The following SYNPO variants were observed in gnomAD, a reference collection of about 807,000 sequenced individuals.
SYNPO encodes the protein synaptopodin.
Under a neutral mutation model 49.5 loss-of-function variants are expected in SYNPO, and 19 were observed. The observed-to-expected ratio is 0.38, with a 90% CI of 0.27 to 0.56. The LOEUF (loss-of-function observed/expected upper bound fraction) is 0.56. Ranked by LOEUF, SYNPO falls within the 20% of genes least tolerant of loss-of-function variation. The pLI is 0.68. For synonymous variants in SYNPO, 536 were observed against 548.0 expected (o/e 0.98, Z 0.31); for missense variants, 1,131 against 1,248.3 (o/e 0.91, Z 1.42).
chr5:150,641,001 C>CG (rs879925279), intron 1 of SYNPO, 147 bp downstream of exon 1: 9 of 329,214 alleles, frequency 2.7e-5, no homozygotes, highest in Non-Finnish European at 3.9e-5. Context: ...AGTGGTGAGG[C>CG]GGGGGCTGGG....
Position 150,648,472 on chromosome 5 carries a change from C to T in SYNPO, c.197C>T (p.Ala66Val). Residue 66 changes from alanine to valine, a missense_variant, in exon 2 of 3, where the codon GCT becomes GTT. By Grantham distance (64) the Ala-to-Val change is moderately conservative. Transcript: ENST00000307662. This position sits in a 1 kb window ranked among gnomAD's most constrained non-coding sequence, Gnocchi z 5.0. ...APPPAEVHSP[A>V]ADVNQNLASP... Reference sequence around the variant, plus strand: ...CCTCCAGCTGAGGTCCACAGCCCAGCTGCAGATGTCAACCAAAACCTTGCC... The same window carrying T: ...CCTCCAGCTGAGGTCCACAGCCCAGTTGCAGATGTCAACCAAAACCTTGCC... The T allele has an allele frequency of 6.2e-7, 1 of 1,614,222 alleles. No individual in the cohort carries two copies.
At chr5:150,621,518 G>T (rs926882276) in intron 2 of SYNPO, among the ~76,000 whole-genome samples, 1 of 152,198 alleles carries the variant, frequency 6.6e-6, no homozygotes, top group African/African-American at 2.4e-5. Context: ...AGGGAAGAAG[G>T]CTGTGGGGCT....
Position 150,649,735 on chromosome 5 carries a change from G to A in SYNPO, c.1460G>A (p.Arg487His). 3 of 1,612,980 alleles carry A rather than the reference G, an allele frequency of 1.9e-6. No individual in the cohort carries two copies. Among genetic ancestry groups the A allele is most frequent in the East Asian group, 2.2e-5 (1 of 44,866 alleles). Residue 487 changes from arginine (R) to histidine (H), a missense_variant, in exon 2 of 3, where the codon CGC (arginine) becomes CAC (histidine). This residue lies in a region of SYNPO where 602 missense variants were observed against 720.7 expected (regional missense o/e 0.84). Transcript: ENST00000307662. ...AAGGGAGCTGAGCTCTACGCCCGCC[G>A]CCAGTCACGGATGGAGAAATATGTC... ...SGKGAELYAR[R>H]QSRMEKYVIE...
intron 1 of SYNPO, among the ~76,000 whole-genome samples, chr5:150,604,042 C>A (rs1288370393): frequency 4.6e-5 from 7 of 152,308 alleles, no homozygotes; most frequent in South Asian, 2.1e-4. Flanking sequence ...CTGTTTCAAA[C>A]CCTGGGGAAG....
chr5:150,631,501 G>A (rs1315516272), intron 2 of SYNPO, among the ~76,000 whole-genome samples: 1 of 152,190 alleles, frequency 6.6e-6, no homozygotes, highest in Non-Finnish European at 1.5e-5. Flanking sequence ...AGCATGGCTG[G>A]AGCCTGGCAG....
Position 150,602,557 on chromosome 5 carries a change from G to C in SYNPO, c.-266+1369G>C, listed in dbSNP as rs182220975. On this transcript the variant is annotated intron_variant, in intron 1 of 2. Coordinates refer to the SYNPO transcript ENST00000394243. ...GATCAGGAGAAGATCCTTGTGTTCT[G>C]TCCCTTTTGGCAATGGGCTGTCATT... Among the ~76,000 whole-genome samples, 5 of 152,280 alleles carry C rather than the reference G, an allele frequency of 3.3e-5. No homozygotes were observed. The East Asian group carries it at 9.6e-4, about 29-fold the overall frequency.
At chr5:150,640,065 G>A, upstream of SYNPO, 1 of 901,050 alleles carries the variant, frequency 1.1e-6, no homozygotes, top group South Asian at 5.1e-5. Context: ...TGGAGATGAG[G>A]ATAGTGCTGG....
intron 2 of SYNPO, among the ~76,000 whole-genome samples, chr5:150,622,932 C>T (rs925497296): frequency 6.6e-6 from 1 of 152,218 alleles, no homozygotes; most frequent in African/African-American, 2.4e-5. Context: ...TGTATAGATG[C>T]CATGTTCTCA....
At chr5:150,588,295 G>A in the SYNPO span, among the ~76,000 whole-genome samples, 6 of 152,074 alleles carry the variant, frequency 3.9e-5, no homozygotes, top group Non-Finnish European at 5.9e-5. Context: ...CCCGGGGGTC[G>A]GGGGAAGCTG....
exon 2 of SYNPO, chr5:150,618,230 G>A (rs560182819): frequency 3.5e-5 from 38 of 1,090,314 alleles, no homozygotes; most frequent in South Asian, 2.5e-4. Flanking sequence ...GTGAATCAGC[G>A]GAGGAAGGCA....
intron 2 of SYNPO, among the ~76,000 whole-genome samples, chr5:150,632,770 G>A (rs1247202687): frequency 2.0e-5 from 3 of 152,098 alleles, no homozygotes; most frequent in Admixed American, 1.3e-4. Flanking sequence ...AAGAGTAGCC[G>A]GTGCTATTCT....
chr5:150,601,875 G>A (rs1232109098), intron 1 of SYNPO, among the ~76,000 whole-genome samples: 1 of 152,176 alleles, frequency 6.6e-6, no homozygotes, highest in Non-Finnish European at 1.5e-5. Context: ...CCATTTCCCT[G>A]GGGGAAAAGC....
the SYNPO span, among the ~76,000 whole-genome samples, chr5:150,589,980 A>G: frequency 2.0e-5 from 3 of 152,210 alleles, no homozygotes; most frequent in Admixed American, 6.5e-5. Context: ...CAAACAACCT[A>G]GTGGGGAGAG....
intron 1 of SYNPO, among the ~76,000 whole-genome samples, chr5:150,644,877 A>T (rs1049435480): frequency 9.2e-5 from 14 of 152,140 alleles, no homozygotes; most frequent in African/African-American, 3.1e-4. Flanking sequence ...AGGCAGGAGA[A>T]GAGTCCTACT....
At chr5:150,592,120 G>T in the SYNPO span, among the ~76,000 whole-genome samples, 1 of 152,034 alleles carries the variant, frequency 6.6e-6, no homozygotes, top group Non-Finnish European at 1.5e-5. Context: ...AGCTGAGATT[G>T]CTCCATTGCA....
At position 150,656,345 on chromosome 5, in the gene SYNPO, G is replaced by A. The variant is rs1758548758; in HGVS notation, c.2029-59G>A. ...AAATCGGACTCCGTCCCTTCCTAAA[G>A]CCCGGTGTGGAAGACCTCAGCACTA... is the stretch of plus-strand genomic sequence containing the variant. On this transcript the variant is annotated intron_variant, in intron 2 of 2. Coordinates refer to ENST00000307662, the MANE Select transcript of SYNPO (RefSeq NM_007286.6). 1.5e-6 allele frequency: 2 copies of A among 1,369,544 alleles called. 1 individual carries two copies. The highest frequency in any genetic ancestry group is 2.6e-5 in the South Asian group (2 of 77,846). The allele number at this position is 1,369,544 out of a possible 1,614,324, so 84.8% of individuals were successfully genotyped here. A position where few individuals can be genotyped will look rare whatever the true frequency, so the allele number is the denominator to read the frequency against.
In SYNPO at chr5:150,648,944, T is replaced by C; in HGVS notation, c.669T>C (p.Ser223=). The C allele has an allele frequency of 1.2e-6, 2 of 1,614,168 alleles. No individual in the cohort carries two copies. Among genetic ancestry groups the C allele is most frequent in the Non-Finnish European group, 1.7e-6 (2 of 1,180,036 alleles). Residue 223 remains serine, a synonymous_variant, in exon 2 of 3, where the codon AGT becomes AGC. Transcript: ENST00000307662. This position sits in a 1 kb window ranked among gnomAD's most constrained non-coding sequence, Gnocchi z 5.0. ...AAATTPTKVY[S]EVHFTLAKPP... Reference sequence around the variant, plus strand: ...CCACCACGCCCACCAAGGTCTACAGTGAGGTCCACTTCACACTGGCCAAGC... The same window carrying C: ...CCACCACGCCCACCAAGGTCTACAGCGAGGTCCACTTCACACTGGCCAAGC...
rs1180509801 is a variant in SYNPO, at chr5:150,657,069, G to A, written c.2694G>A (p.Glu898=). The stretch of plus-strand genomic sequence containing the variant: ...TCAAGCGTGGCAGCCTCCCCGCCGA[G>A]GCCTCCTGCACCACCTAGAGCCCCA... The part of the protein sequence containing the change: ...LRLKRGSLPA[E]ASCTT The change falls in exon 3 of 3, where the codon GAG becomes GAA. Residue 898 remains glutamate (E), a synonymous_variant. Transcript: ENST00000307662. 1 of 1,595,190 alleles carries A rather than the reference G, an allele frequency of 6.3e-7. No homozygotes were observed.
chr5:150,592,019 G>T, the SYNPO span, among the ~76,000 whole-genome samples: 1 of 152,164 alleles, frequency 6.6e-6, no homozygotes, highest in Non-Finnish European at 1.5e-5. Flanking sequence ...TACAAAATTG[G>T]CTGGGCATGG....
Sources: gnomAD v4.1 joint callset for allele counts (sites outside exome capture counted in the v4.1 genomes callset) on GRCh38, gnomAD v4.1.1 for gene constraint, gnomAD v4.1.1 regional missense constraint, Gnocchi (gnomAD v3.1) non-coding constraint, MANE v1.5 for transcripts, NCBI Gene and HGNC (gene_info 2026-07-23, HGNC 2026-07-21) for gene names.